PTPRN2: variants seen among roughly 807,000 people sequenced by gnomAD.
The protein encoded by PTPRN2 is receptor-type tyrosine-protein phosphatase N2.
PTPRN2 carries 74 observed loss-of-function variants against 118.8 expected under a neutral mutation model. The observed-to-expected ratio is 0.62, with a 90% confidence interval of 0.52 to 0.76. PTPRN2 has a LOEUF of 0.76. PTPRN2 is among the 30% of genes least tolerant of loss of function. The probability of loss-of-function intolerance (pLI) is 0.00; values close to 1 mark genes in which losing one functional copy is unlikely to be tolerated. For synonymous variants in PTPRN2, 641 were observed against 608.0 expected, an observed-to-expected ratio of 1.05 and a Z score of -0.80; for missense variants, 1,481 against 1,394.4, an observed-to-expected ratio of 1.06 and a Z score of -0.99.
At chr7:158,262,690 TCA>T (rs761003497) in intron 3 of PTPRN2, among the ~76,000 whole-genome samples, 18 of 136,174 alleles carry the variant, frequency 1.3e-4, no homozygotes, top group South Asian at 4.7e-4. Flanking sequence ...ATACACACAT[TCA>T]CACACACTGC....
chr7:158,099,008 AACACATCCCGGCTGCCTCCCCTTCCTC>A (rs1814936499), intron 10 of PTPRN2, among the ~76,000 whole-genome samples: 1 of 12,674 alleles, frequency 7.9e-5, no homozygotes, highest in Non-Finnish European at 1.7e-4. Context: ...TTCCTCCCCC[AACACATCCCGGCTGCCTCCCCTTCCTC>A]CCCCCAACAC....
chr7:158,238,638 A>G (rs1294017547), intron 3 of PTPRN2, among the ~76,000 whole-genome samples: 5 of 152,156 alleles, frequency 3.3e-5, no homozygotes, highest in African/African-American at 1.2e-4. Flanking sequence ...AGGTCATGTT[A>G]TTAAGAAGTG....
chr7:157,683,241 TAAGTA>T (rs1796997864), intron 12 of PTPRN2, among the ~76,000 whole-genome samples: 1 of 152,200 alleles, frequency 6.6e-6, no homozygotes, highest in African/African-American at 2.4e-5. Flanking sequence ...TTTGCTGCCT[TAAGTA>T]AAGTATCCAT....
In PTPRN2 at chr7:157,929,944, G is replaced by C. The variant is rs1799263388; in HGVS notation, c.1724-31207C>G. On this transcript the variant is annotated intron_variant, in intron 11 of 22. Coordinates refer to ENST00000389418, the MANE Select transcript of PTPRN2 (RefSeq NM_002847.5). The surrounding 1 kb of genome is among the most constrained non-coding windows in gnomAD (Gnocchi z 4.4). ...CATGAAGCGAATTCAGTCCACATCA[G>C]CGGGTCCAAGCCTGGACCTAGACAC... Among the ~76,000 whole-genome samples, 1 of 152,162 alleles carries C rather than the reference G, an allele frequency of 6.6e-6. No homozygotes were observed. The highest frequency in any genetic ancestry group is 1.5e-5 in the Non-Finnish European group (1 of 68,028).
intron 1 of PTPRN2, among the ~76,000 whole-genome samples, chr7:158,576,430 A>T (rs1180952630): frequency 6.6e-6 from 1 of 152,238 alleles, no homozygotes; most frequent in Non-Finnish European, 1.5e-5. Context: ...GGCTGAAAAC[A>T]TGAGGGGCCC....
intron 13 of PTPRN2, among the ~76,000 whole-genome samples, chr7:157,666,283 G>C (rs1796133222): frequency 6.6e-6 from 1 of 152,116 alleles, no homozygotes; most frequent in Admixed American, 6.5e-5. Flanking sequence ...TCTCAGTATA[G>C]CTGCTCTGTA....
chr7:157,952,420 G>GAA (rs1800884572), intron 11 of PTPRN2, among the ~76,000 whole-genome samples: 3 of 120,848 alleles, frequency 2.5e-5, no homozygotes, highest in African/African-American at 8.1e-5. Context: ...TGGGGGACAC[G>GAA]GGGGGAGACA....
At chr7:157,752,004 G>A (rs1053005444) in intron 12 of PTPRN2, among the ~76,000 whole-genome samples, 2 of 152,242 alleles carry the variant, frequency 1.3e-5, no homozygotes, top group East Asian at 1.9e-4. Context: ...CTCCCATTCC[G>A]ATTTCTTGAC....
intron 3 of PTPRN2, among the ~76,000 whole-genome samples, chr7:158,250,070 C>A (rs1040399269): frequency 6.6e-6 from 1 of 152,126 alleles, no homozygotes; most frequent in Non-Finnish European, 1.5e-5. Context: ...CTACTCTTAC[C>A]AAAGTAAAAA....
intron 10 of PTPRN2, among the ~76,000 whole-genome samples, chr7:158,089,660 A>T (rs866093107): frequency 7.3e-6 from 1 of 136,906 alleles, no homozygotes; most frequent in Admixed American, 7.1e-5. Flanking sequence ...TGAAAGGGGG[A>T]GTCTTCACAC....
intron 3 of PTPRN2, among the ~76,000 whole-genome samples, chr7:158,262,083 G>T (rs531636650): frequency 6.6e-6 from 1 of 152,166 alleles, no homozygotes; most frequent in Non-Finnish European, 1.5e-5. Flanking sequence ...AGAGCACGAA[G>T]AGCTCCTACG....
In PTPRN2 at chr7:157,609,330, C is replaced by T. The variant is rs1268239173; in HGVS notation, c.2345-5255G>A. On this transcript the variant is annotated intron_variant, in intron 15 of 22. Transcript: ENST00000389418. This position sits in a 1 kb window ranked among gnomAD's most constrained non-coding sequence, Gnocchi z 4.9. ...CCCGGGAGGCAGAGGTTGCAGTGAG[C>T]TGAGACTGTGCCATTGCACTCCAGC... Among the ~76,000 whole-genome samples, 1 of 152,150 alleles carries T rather than the reference C, an allele frequency of 6.6e-6. No homozygotes were observed. The highest frequency in any genetic ancestry group is 2.4e-5 in the African/African-American group (1 of 41,422).
At position 158,169,417 on chromosome 7, in the gene PTPRN2, AGTGTGTGTGTGTGTGTGT is replaced by A. The variant is rs375257745; in HGVS notation, c.550-2144_550-2127del. 8.1e-3 allele frequency among the ~76,000 whole-genome samples: 1,102 copies of A among 136,628 alleles called. 10 individuals are homozygous for A. The highest frequency in any genetic ancestry group is 0.029 in the African/African-American group (1,033 of 36,172). The allele number at this position is 136,628 out of a possible 152,430, so 89.6% of individuals were successfully genotyped here. A position where few individuals can be genotyped will look rare whatever the true frequency, so the allele number is the denominator to read the frequency against. On this transcript the variant is annotated intron_variant, in intron 5 of 22. Transcript: ENST00000389418. ...ACCACCATACCTGGCTGCTTTTGTG[AGTGTGTGTGTGTGTGTGT>A]GTGTGTGTGTGTGTGTGTGTGTTTT... is the stretch of plus-strand genomic sequence containing the variant.
chr7:157,786,381 G>C (rs1804038251), intron 12 of PTPRN2, among the ~76,000 whole-genome samples: 1 of 152,234 alleles, frequency 6.6e-6, no homozygotes, highest in Admixed American at 6.5e-5. Context: ...TGAAGTCTAA[G>C]AAGGAAGATT....
chr7:158,253,558 C>T (rs576247941), intron 3 of PTPRN2, among the ~76,000 whole-genome samples: 33 of 152,282 alleles, frequency 2.2e-4, no homozygotes, highest in East Asian at 5.8e-4. Flanking sequence ...GCCAGACTCC[C>T]GAAACCCAGG....
chr7:158,145,693 C>A (rs896858892), intron 6 of PTPRN2, among the ~76,000 whole-genome samples: 5 of 152,234 alleles, frequency 3.3e-5, no homozygotes, highest in African/African-American at 1.2e-4. Flanking sequence ...TGCACACTTT[C>A]TCAGGCCTGA....
At chr7:157,698,044 C>T (rs1342521946) in intron 12 of PTPRN2, among the ~76,000 whole-genome samples, 5 of 152,066 alleles carry the variant, frequency 3.3e-5, no homozygotes, top group African/African-American at 9.7e-5. Flanking sequence ...ATACTGGAAG[C>T]AGAGTTTATC....
At chr7:158,311,440 T>C (rs1279577320) in intron 3 of PTPRN2, among the ~76,000 whole-genome samples, 4 of 152,204 alleles carry the variant, frequency 2.6e-5, no homozygotes, top group African/African-American at 9.7e-5. Context: ...TTTAATGGCT[T>C]GTCAGAAAAA....
chr7:158,415,704 C>T (rs1814603669), intron 2 of PTPRN2, among the ~76,000 whole-genome samples: 2 of 152,162 alleles, frequency 1.3e-5, no homozygotes. Flanking sequence ...ACACGCAAAT[C>T]CTCGTCAAAG....
Sources: allele counts gnomAD v4.1 joint callset (sites outside exome capture counted in the v4.1 genomes callset), GRCh38; gene constraint gnomAD v4.1.1; non-coding constraint Gnocchi (gnomAD v3.1); transcripts MANE v1.5; gene names NCBI Gene and HGNC (gene_info 2026-07-23, HGNC 2026-07-21).